Variants in TPPP observed in about 807,000 individuals in gnomAD.
TPPP encodes the protein tubulin polymerization promoting protein.
In TPPP, 6 loss-of-function variants were observed where a neutral mutation model predicts 15.5. The ratio of observed to expected loss-of-function variants is 0.39; its 90% confidence interval spans 0.21 to 0.77. The LOEUF is 0.77. Among genes scored for constraint, TPPP ranks in the 30% least tolerant of loss-of-function variants. The probability of loss-of-function intolerance (pLI) is 0.42; values close to 1 mark genes in which losing one functional copy is unlikely to be tolerated. For missense variants in TPPP, 269 were observed against 307.2 expected, an observed-to-expected ratio of 0.88 and a Z score of 0.93; for synonymous variants, 146 against 133.9, an observed-to-expected ratio of 1.09 and a Z score of -0.63.
At chr5:673,177 C>T (rs764756480) in intron 2 of TPPP, among the ~76,000 whole-genome samples, 6 of 152,306 alleles carry the variant, frequency 3.9e-5, no homozygotes, top group South Asian at 4.1e-4. Context: ...ACAGGCCCGC[C>T]GCCACCACCC....
rs776442248 is a variant in TPPP, at chr5:677,948, G to A, written c.113C>T (p.Ala38Val). The change falls in exon 2 of 4, where the codon GCT (alanine) becomes GTT (valine). Residue 38 changes from alanine (A) to valine (V), a missense_variant. Ala to Val is a moderately conservative substitution (Grantham distance 64, BLOSUM62 0). Coordinates refer to ENST00000360578, the MANE Select transcript of TPPP (RefSeq NM_007030.3). Reference protein sequence around the residue: ...AKRLSLESEGAGEGAAASPEL... With the variant: ...AKRLSLESEGVGEGAAASPEL... ...AGGGGATGCGGCTGCCCCCTCACCAGCACCCTCCGATTCCAGCGACAGCCT... is the reference window on the plus strand; with the variant it reads ...AGGGGATGCGGCTGCCCCCTCACCAACACCCTCCGATTCCAGCGACAGCCT... 41 of 1,611,140 alleles carry A rather than the reference G, an allele frequency of 2.5e-5. No individual in the cohort carries two copies. The Admixed American group carries it at 6.5e-4, about 26-fold the overall frequency.
intron 2 of TPPP, chr5:667,126 C>T (rs1017533599): frequency 1.3e-5 from 2 of 152,196 alleles, no homozygotes; most frequent in African/African-American, 2.4e-5. Context: ...CTAGAATAGC[C>T]AAAACGATTT....
upstream of TPPP, among the ~76,000 whole-genome samples, chr5:695,439 TCA>T (rs1740994474): frequency 6.9e-6 from 1 of 145,228 alleles, no homozygotes; most frequent in African/African-American, 2.6e-5. Flanking sequence ...GAAAACCGAC[TCA>T]CAGCCAATGA....
chr5:686,836 T>C (rs868731770), intron 1 of TPPP, among the ~76,000 whole-genome samples: 4,785 of 142,186 alleles, frequency 0.034, 3 homozygotes, highest in African/African-American at 0.12. Flanking sequence ...GGGGATGAGA[T>C]TCAGCTATGG....
At chr5:693,809 C>T (rs1364965579), upstream of TPPP, among the ~76,000 whole-genome samples, 7 of 149,192 alleles carry the variant, frequency 4.7e-5, no homozygotes, top group African/African-American at 1.7e-4. Flanking sequence ...GCGGGGCGAG[C>T]CCCGACCGCG....
At chr5:669,894 G>A (rs1183079592) in intron 2 of TPPP, among the ~76,000 whole-genome samples, 1 of 152,178 alleles carries the variant, frequency 6.6e-6, no homozygotes, top group Non-Finnish European at 1.5e-5. Flanking sequence ...CGGCTCTCCT[G>A]ACATAGAGTG....
intron 1 of TPPP, among the ~76,000 whole-genome samples, chr5:685,606 C>T (rs886740733): frequency 1.3e-5 from 2 of 152,250 alleles, no homozygotes; most frequent in African/African-American, 2.4e-5. Flanking sequence ...ACCCTCCCTC[C>T]GCCCTCAGAA....
rs1739609808 is a variant in TPPP at position 661,584 on chromosome 5, G to T, written c.*3518C>A. 6.6e-6 allele frequency: 1 copy of T among 152,450 alleles called. No individual in the cohort carries two copies. The highest frequency in any genetic ancestry group is 1.5e-5 in the Non-Finnish European group (1 of 68,080). 9.4% of individuals were successfully genotyped at this position (152,450 alleles called of 1,614,324 possible). A position where few individuals can be genotyped will look rare whatever the true frequency, so the allele number is the denominator to read the frequency against. ...AATTGGCAGTGCATAAAAACATGCA[G>T]AAGAGAACACACACCTGCCTGAATT... On this transcript the variant is annotated 3_prime_UTR_variant, in exon 4 of 4. Transcript: ENST00000360578.
chr5:672,096 C>T (rs1438275386), intron 2 of TPPP, among the ~76,000 whole-genome samples: 1 of 152,244 alleles, frequency 6.6e-6, no homozygotes, highest in South Asian at 2.1e-4. Flanking sequence ...GGGTCCTGCT[C>T]CTGGGAGGTG....
chr5:699,012 T>C, the TPPP span, among the ~76,000 whole-genome samples: 3 of 151,924 alleles, frequency 2.0e-5, no homozygotes, highest in African/African-American at 7.3e-5. Flanking sequence ...AAAGAAATCA[T>C]ACATGACACA....
chr5:683,661 A>G (rs560430), intron 1 of TPPP, among the ~76,000 whole-genome samples: 52,995 of 130,932 alleles, frequency 0.4, 9,254 homozygotes, highest in East Asian at 0.6. Flanking sequence ...CCATGCCCTC[A>G]GGGCACTGGC....
chr5:669,138 G>A (rs1015113581), intron 2 of TPPP, among the ~76,000 whole-genome samples: 10 of 152,200 alleles, frequency 6.6e-5, no homozygotes, highest in African/African-American at 1.7e-4. Context: ...CGGAGGCCTC[G>A]CTGTGTCCGG....
At chr5:685,529 G>C (rs1579198014) in intron 1 of TPPP, among the ~76,000 whole-genome samples, 1 of 152,222 alleles carries the variant, frequency 6.6e-6, no homozygotes, top group East Asian at 1.9e-4. Context: ...GAGGGGCCCT[G>C]CACAAGGAGC....
At chr5:668,618 A>G (rs1268157253) in intron 2 of TPPP, among the ~76,000 whole-genome samples, 2 of 152,254 alleles carry the variant, frequency 1.3e-5, no homozygotes, top group East Asian at 1.9e-4. Flanking sequence ...CGGCCGAGCA[A>G]CGCGGCAGAG....
At chr5:674,097 C>G (rs1740320558) in intron 2 of TPPP, among the ~76,000 whole-genome samples, 1 of 152,270 alleles carries the variant, frequency 6.6e-6, no homozygotes, top group Admixed American at 6.5e-5. Flanking sequence ...CTGACGGCCC[C>G]TGGACAGGCT....
rs748214010 is a variant in TPPP, at chr5:666,110, G to A, written c.325C>T (p.Arg109Trp). The A allele has an allele frequency of 1.0e-5, 16 of 1,568,008 alleles. No homozygotes were observed. Among genetic ancestry groups the A allele is most frequent in the Admixed American group, 1.8e-5 (1 of 55,458 alleles). ...TGGAACTGCTCAAAGGTGATGGTCC[G>A]GCAAGACTTCCCTCTACAGGGGCAC... ...VFSKIKGKSC[R>W]TITFEQFQEA... The change falls in exon 3 of 4, where the codon CGG becomes TGG. Residue 109 changes from arginine (R) to tryptophan (W), a missense_variant. Coordinates refer to ENST00000360578, the MANE Select transcript of TPPP (RefSeq NM_007030.3).
At chr5:676,817 T>C (rs1561088214) in intron 2 of TPPP, among the ~76,000 whole-genome samples, 3 of 100,638 alleles carry the variant, frequency 3.0e-5, no homozygotes, top group Admixed American at 8.5e-5. Flanking sequence ...CAGAAACACA[T>C]GCACACATGC....
chr5:677,705 C>T (rs761359027), intron 2 of TPPP, 45 bp downstream of exon 2: 4 of 1,497,490 alleles, frequency 2.7e-6, no homozygotes, highest in Non-Finnish European at 3.6e-6. Flanking sequence ...GGGCCGCAGA[C>T]CCCCGTAAGT....
chr5:666,067 A>G lies in TPPP; in HGVS notation c.368T>C (p.Leu123Pro). The stretch of plus-strand genomic sequence containing the variant: ...CTTGTCTTTGAATCGCTTCTTGGCG[A>G]GCTCCTCCAGCGCCTCCTGGAACTG... The part of the protein sequence containing the change: ...FEQFQEALEE[L>P]AKKRFKDKSS... The change falls in exon 3 of 4, where the codon CTC (leucine) becomes CCC (proline). Residue 123 changes from leucine to proline, a missense_variant. Physicochemically the swap from Leu to Pro is moderately conservative, Grantham distance 98. Coordinates refer to ENST00000360578, the MANE Select transcript of TPPP (RefSeq NM_007030.3). 6.2e-7 allele frequency: 1 copy of G among 1,611,994 alleles called. No individual in the cohort carries two copies.
Sources: allele counts gnomAD v4.1 joint callset (sites outside exome capture counted in the v4.1 genomes callset), GRCh38; gene constraint gnomAD v4.1.1; transcripts MANE v1.5; gene names NCBI Gene and HGNC (gene_info 2026-07-23, HGNC 2026-07-21).